EFCAB6: variants seen among roughly 807,000 people sequenced by gnomAD.
EFCAB6 encodes EF-hand calcium-binding domain-containing protein 6.
A neutral mutation model predicts 169.8 loss-of-function variants in EFCAB6; 156 were observed. That is an observed-to-expected ratio of 0.92 (90% confidence interval 0.81 to 1.05). The LOEUF is 1.05. EFCAB6 is among the 50% of genes least tolerant of loss of function. The probability of loss-of-function intolerance (pLI) is 0.00; values close to 1 mark genes in which losing one functional copy is unlikely to be tolerated. For synonymous variants in EFCAB6, 698 were observed against 676.4 expected (o/e 1.03, Z -0.50); for missense variants, 1,800 against 1,829.1 (o/e 0.98, Z 0.29).
intron 17 of EFCAB6, among the ~76,000 whole-genome samples, chr22:43,663,993 C>A (rs1256144440): frequency 6.6e-6 from 1 of 152,216 alleles, no homozygotes; most frequent in African/African-American, 2.4e-5. Context: ...TTCTGCTTTT[C>A]CTTTCTCCTC....
intron 2 of EFCAB6, among the ~76,000 whole-genome samples, chr22:43,784,633 G>GTA (rs1569487846): frequency 6.2e-5 from 4 of 64,100 alleles, no homozygotes; most frequent in Non-Finnish European, 1.3e-4. Context: ...ACATATATAT[G>GTA]TATATGTACA....
rs375363005 is a variant in EFCAB6 at position 43,690,401 on chromosome 22, A to G, written c.1032-2820T>C. On this transcript the variant is annotated intron_variant, in intron 10 of 31. Coordinates refer to ENST00000262726, the MANE Select transcript of EFCAB6 (RefSeq NM_022785.4). The stretch of plus-strand genomic sequence containing the variant: ...CATGGTGGCGGGTGCCTGTAATCCC[A>G]GCTACTCAGGAGGCTGAGGCAGGAG... Among the ~76,000 whole-genome samples, 18 of 149,868 alleles carry G rather than the reference A, an allele frequency of 1.2e-4. No individual in the cohort carries two copies. In the East Asian group the frequency reaches 3.5e-3, roughly 29 times the overall value.
intron 8 of EFCAB6, among the ~76,000 whole-genome samples, chr22:43,720,647 G>A (rs2059490166): frequency 6.6e-6 from 1 of 151,948 alleles, no homozygotes; most frequent in African/African-American, 2.4e-5. Context: ...GAGGAAAAGA[G>A]AGAGGAAGGG....
At position 43,593,904 on chromosome 22, in the gene EFCAB6, G is replaced by A. The variant is rs574982875; in HGVS notation, c.2877-3675C>T. Among the ~76,000 whole-genome samples the A allele has an allele frequency of 1.4e-4, 22 of 152,288 alleles. No individual in the cohort carries two copies. The South Asian group carries it at 3.5e-3, about 24-fold the overall frequency. Reference sequence around the variant, plus strand: ...GGATGGGAGACGAAGGATTGAGATCGTGCCAAGAAAATCTGTCTCATTGCT... The same window carrying A: ...GGATGGGAGACGAAGGATTGAGATCATGCCAAGAAAATCTGTCTCATTGCT... On this transcript the variant is annotated intron_variant, in intron 23 of 31. Coordinates refer to ENST00000262726, the MANE Select transcript of EFCAB6 (RefSeq NM_022785.4).
intron 11 of EFCAB6, among the ~76,000 whole-genome samples, chr22:43,686,966 A>G (rs954050130): frequency 6.6e-6 from 1 of 152,220 alleles, no homozygotes; most frequent in African/African-American, 2.4e-5. Context: ...AGGTTATAAT[A>G]GATATTAAAA....
chr22:43,575,358 G>GTTTTTTTTTTTTTTTTTTTTTTTT (rs34543550), intron 26 of EFCAB6, among the ~76,000 whole-genome samples: 1 of 104,838 alleles, frequency 9.5e-6, no homozygotes, highest in Non-Finnish European at 1.8e-5. Flanking sequence ...ATCCGGCTAT[G>GTTTTTTTTTTTTTTTTTTTTTTTT]TTTTTTTTTT....
At chr22:43,616,768 A>G (rs886551795) in intron 20 of EFCAB6, among the ~76,000 whole-genome samples, 4 of 152,210 alleles carry the variant, frequency 2.6e-5, no homozygotes, top group African/African-American at 9.6e-5. Context: ...ACAGTAAAGC[A>G]CAGTAAAGGC....
At chr22:43,774,208 T>C (rs2061566199) in intron 3 of EFCAB6, among the ~76,000 whole-genome samples, 1 of 151,694 alleles carries the variant, frequency 6.6e-6, no homozygotes, top group South Asian at 2.1e-4. Context: ...CAGTGATAGC[T>C]TTAGTCTTGG....
intron 6 of EFCAB6, among the ~76,000 whole-genome samples, chr22:43,739,651 TC>T (rs1285323736): frequency 6.6e-6 from 1 of 152,076 alleles, no homozygotes; most frequent in Non-Finnish European, 1.5e-5. Context: ...ACCCACAGTC[TC>T]CCATCCCAAT....
Position 43,690,881 on chromosome 22 carries a change from T to C in EFCAB6, c.1032-3300A>G, listed in dbSNP as rs1213875631. On this transcript the variant is annotated intron_variant, in intron 10 of 31. Transcript: ENST00000262726. ...CAATAACTGTTTCTTCAAGGAAGCCTTCCCTAATTTCCATAGCCAGTGCTG... is the reference window on the plus strand; with the variant it reads ...CAATAACTGTTTCTTCAAGGAAGCCCTCCCTAATTTCCATAGCCAGTGCTG... Among the ~76,000 whole-genome samples the C allele has an allele frequency of 2.0e-5, 3 of 152,020 alleles. No individual in the cohort carries two copies. The East Asian group carries it at 5.8e-4, about 29-fold the overall frequency.
chr22:43,546,701 G>A (rs576520997), intron 27 of EFCAB6, among the ~76,000 whole-genome samples: 3 of 151,854 alleles, frequency 2.0e-5, no homozygotes, highest in Non-Finnish European at 2.9e-5. Context: ...TGAAACACCC[G>A]TCTCTACTAA....
intron 24 of EFCAB6, among the ~76,000 whole-genome samples, chr22:43,580,875 G>A (rs2050677700): frequency 6.6e-6 from 1 of 152,212 alleles, no homozygotes; most frequent in Non-Finnish European, 1.5e-5. Flanking sequence ...TGAGAGGTGA[G>A]AGTGCAGTTC....
At chr22:43,774,388 T>C (rs545463941) in intron 3 of EFCAB6, among the ~76,000 whole-genome samples, 5 of 151,170 alleles carry the variant, frequency 3.3e-5, no homozygotes, top group African/African-American at 7.3e-5. Flanking sequence ...GCCATGGAGA[T>C]TGGCTGCAGA....
At chr22:43,803,296 C>T (rs1346354459) in intron 2 of EFCAB6, among the ~76,000 whole-genome samples, 3 of 152,208 alleles carry the variant, frequency 2.0e-5, no homozygotes, top group Non-Finnish European at 4.4e-5. Flanking sequence ...TTTCATTTCA[C>T]TTCCTGAAAG....
At position 43,784,765 on chromosome 22, in the gene EFCAB6, T is replaced by C. The variant is rs928561469; in HGVS notation, c.-7-2440A>G. 1.2e-3 allele frequency among the ~76,000 whole-genome samples: 178 copies of C among 148,104 alleles called. 4 individuals carry two copies. Among genetic ancestry groups the C allele is most frequent in the Non-Finnish European group, 3.7e-4 (25 of 67,166 alleles). ...GGTGGCATGCACCTGTAGTCCTAGC[T>C]ACTTGGGAGGCTCACATGGTAGAAT... On this transcript the variant is annotated intron_variant, in intron 2 of 31. Coordinates refer to ENST00000262726, the MANE Select transcript of EFCAB6 (RefSeq NM_022785.4).
chr22:43,575,277 G>T (rs992151211), intron 26 of EFCAB6, among the ~76,000 whole-genome samples: 1 of 151,556 alleles, frequency 6.6e-6, no homozygotes, highest in Non-Finnish European at 1.5e-5. Context: ...TGCAACCTCC[G>T]CCTCCTGGGT....
At chr22:43,621,547 C>T (rs1005472219) in intron 20 of EFCAB6, among the ~76,000 whole-genome samples, 1 of 151,912 alleles carries the variant, frequency 6.6e-6, no homozygotes, top group African/African-American at 2.4e-5. Flanking sequence ...TGAAATGCAG[C>T]TAAATCAGTG....
chr22:43,622,746 AAGAG>A (rs201583183), intron 20 of EFCAB6, among the ~76,000 whole-genome samples: 2 of 151,106 alleles, frequency 1.3e-5, no homozygotes, highest in African/African-American at 4.8e-5. Context: ...TGTGCTAAAA[AAGAG>A]AGAGAGAGAG....
chr22:43,762,819 C>T (rs1362904395), intron 5 of EFCAB6, among the ~76,000 whole-genome samples: 1 of 152,192 alleles, frequency 6.6e-6, no homozygotes, highest in Non-Finnish European at 1.5e-5. Context: ...CCAACAAAGA[C>T]TATTCATATT....
Sources: gnomAD v4.1 joint callset for allele counts (sites outside exome capture counted in the v4.1 genomes callset) on GRCh38, gnomAD v4.1.1 for gene constraint, MANE v1.5 for transcripts, NCBI Gene and HGNC (gene_info 2026-07-23, HGNC 2026-07-21) for gene names.